AUH: variants seen among roughly 807,000 people sequenced by gnomAD.
AUH encodes the protein AU RNA binding methylglutaconyl-CoA hydratase.
Under a neutral mutation model 42.3 loss-of-function variants are expected in AUH, and 29 were observed. The ratio of observed to expected loss-of-function variants is 0.69; its 90% CI spans 0.51 to 0.93. The LOEUF (loss-of-function observed/expected upper bound fraction) is 0.93. Among genes scored for constraint, AUH ranks in the 40% least tolerant of loss-of-function variants. The probability of loss-of-function intolerance (pLI) is 0.00; values close to 1 mark genes in which losing one functional copy is unlikely to be tolerated. For synonymous variants in AUH, 174 were observed against 166.4 expected (o/e 1.05, Z -0.35); for missense variants, 452 against 438.1 (o/e 1.03, Z -0.28).
chr9:91,228,729 G>T (rs1378296602), intron 6 of AUH, among the ~76,000 whole-genome samples: 1 of 151,414 alleles, frequency 6.6e-6, no homozygotes, highest in Non-Finnish European at 1.5e-5. Context: ...CTTTGAATGT[G>T]TCCCAGAGAT....
At chr9:91,317,610 G>A (rs972726870) in intron 4 of AUH, among the ~76,000 whole-genome samples, 1 of 151,562 alleles carries the variant, frequency 6.6e-6, no homozygotes, top group Non-Finnish European at 1.5e-5. Flanking sequence ...GAAGGACTCT[G>A]TTATTTCTTT....
intron 4 of AUH, among the ~76,000 whole-genome samples, chr9:91,298,721 C>G (rs978173367): frequency 6.6e-6 from 1 of 152,204 alleles, no homozygotes; most frequent in African/African-American, 2.4e-5. Context: ...AAAAGCTCAA[C>G]TTGCTTGAAT....
At chr9:91,243,832 C>T (rs1055073413) in intron 6 of AUH, among the ~76,000 whole-genome samples, 3 of 152,058 alleles carry the variant, frequency 2.0e-5, no homozygotes, top group Non-Finnish European at 4.4e-5. Flanking sequence ...ATAACTAAAG[C>T]TATAAAGGTG....
chr9:91,304,234 C>T (rs759805929), intron 4 of AUH, among the ~76,000 whole-genome samples: 1 of 152,210 alleles, frequency 6.6e-6, no homozygotes, highest in Non-Finnish European at 1.5e-5. Context: ...AGCATTCCCT[C>T]TCACATGCTT....
At chr9:91,242,843 T>A (rs1032800861) in intron 6 of AUH, among the ~76,000 whole-genome samples, 4 of 152,196 alleles carry the variant, frequency 2.6e-5, no homozygotes, top group Admixed American at 2.6e-4. Context: ...AGAAATAATA[T>A]GTGAAAATAT....
chr9:91,277,739 T>G (rs1825656559), intron 6 of AUH, among the ~76,000 whole-genome samples: 1 of 152,180 alleles, frequency 6.6e-6, no homozygotes, highest in Non-Finnish European at 1.5e-5. Flanking sequence ...TTTTAAGAAA[T>G]CCTCAATTAC....
chr9:91,355,657 G>A (rs778507992), intron 3 of AUH, among the ~76,000 whole-genome samples: 1 of 152,032 alleles, frequency 6.6e-6, no homozygotes, highest in Non-Finnish European at 1.5e-5. Flanking sequence ...TATTTTAATG[G>A]CTCAAAGATT....
chr9:91,320,882 T>C (rs1361572739), intron 4 of AUH, among the ~76,000 whole-genome samples: 1 of 152,220 alleles, frequency 6.6e-6, no homozygotes, highest in Non-Finnish European at 1.5e-5. Flanking sequence ...AAAAAATTTT[T>C]ATTAACTTTT....
At chr9:91,257,149 G>A (rs765870289) in intron 6 of AUH, among the ~76,000 whole-genome samples, 3 of 152,108 alleles carry the variant, frequency 2.0e-5, no homozygotes, top group Non-Finnish European at 4.4e-5. Flanking sequence ...TGGTTATGTA[G>A]AGCTAAAATG....
intron 6 of AUH, among the ~76,000 whole-genome samples, chr9:91,267,646 G>T (rs958693065): frequency 2.0e-5 from 3 of 152,100 alleles, no homozygotes; most frequent in Non-Finnish European, 2.9e-5. Context: ...CAACTGAAGA[G>T]GTAAAAGCAT....
At chr9:91,285,201 A>G (rs892328886) in intron 6 of AUH, among the ~76,000 whole-genome samples, 1 of 151,968 alleles carries the variant, frequency 6.6e-6, no homozygotes, top group Non-Finnish European at 1.5e-5. Flanking sequence ...TCAGCAAACT[A>G]TTGCAAGGAC....
chr9:91,227,999 T>C (rs974625966), intron 6 of AUH, among the ~76,000 whole-genome samples: 1 of 152,202 alleles, frequency 6.6e-6, no homozygotes, highest in East Asian at 1.9e-4. Context: ...ATCAAGGATA[T>C]TGGTCTAAAA....
intron 6 of AUH, among the ~76,000 whole-genome samples, chr9:91,229,786 A>G (rs917716768): frequency 6.7e-6 from 1 of 149,658 alleles, no homozygotes; most frequent in Admixed American, 6.6e-5. Context: ...GCTTGTCTGT[A>G]AAGTATTTTA....
intron 6 of AUH, among the ~76,000 whole-genome samples, chr9:91,287,094 T>TA (rs142946118): frequency 0.022 from 3,359 of 151,670 alleles, 43 homozygotes; most frequent in Non-Finnish European, 0.031. Flanking sequence ...CTTAATCCTT[T>TA]AAAAAAAATG....
intron 6 of AUH, among the ~76,000 whole-genome samples, chr9:91,235,765 T>C (rs1828141069): frequency 6.6e-6 from 1 of 152,188 alleles, no homozygotes; most frequent in East Asian, 1.9e-4. Flanking sequence ...GCAGGGGTCT[T>C]CTAGGAAAGA....
At chr9:91,281,808 C>G (rs1399397338) in intron 6 of AUH, among the ~76,000 whole-genome samples, 1 of 152,110 alleles carries the variant, frequency 6.6e-6, no homozygotes, top group Non-Finnish European at 1.5e-5. Context: ...TTTCACCATT[C>G]CCATCCCAGT....
intron 6 of AUH, among the ~76,000 whole-genome samples, chr9:91,290,789 T>G (rs370248196): frequency 6.6e-6 from 1 of 152,156 alleles, no homozygotes; most frequent in African/African-American, 2.4e-5. Flanking sequence ...ACAAAACTTT[T>G]CATAATCAAG....
Position 91,217,317 on chromosome 9 carries a change from G to C in AUH, c.854C>G (p.Ala285Gly), listed in dbSNP as rs1265007398. ...AATTGCTAATTTTGCCACTCTCATTGCAACAGGTCCCTAAAATTCAAATTA... is the reference window on the plus strand; with the variant it reads ...AATTGCTAATTTTGCCACTCTCATTCCAACAGGTCCCTAAAATTCAAATTA... ...AREFLPQGPVAMRVAKLAINQ... is the reference protein window; with the variant it reads ...AREFLPQGPVGMRVAKLAINQ... The change falls in exon 8 of 10, where the codon GCA (alanine) becomes GGA (glycine). Residue 285 changes from alanine (A) to glycine (G), a missense_variant. Physicochemically the swap from Ala to Gly is moderately conservative, Grantham distance 60. Coordinates refer to ENST00000375731, the MANE Select transcript of AUH (RefSeq NM_001698.3). 2 of 1,613,588 alleles carry C rather than the reference G, an allele frequency of 1.2e-6. No homozygotes were observed. The highest frequency in any genetic ancestry group is 8.5e-7 in the Non-Finnish European group (1 of 1,179,678).
intron 6 of AUH, among the ~76,000 whole-genome samples, chr9:91,282,152 C>T (rs566661932): frequency 6.6e-6 from 1 of 152,228 alleles, no homozygotes; most frequent in East Asian, 1.9e-4. Flanking sequence ...GTTCCAAGCA[C>T]ACTCCCATCT....
Sources: gnomAD v4.1 joint callset for allele counts (sites outside exome capture counted in the v4.1 genomes callset) on GRCh38, gnomAD v4.1.1 for gene constraint, MANE v1.5 for transcripts, NCBI Gene and HGNC (gene_info 2026-07-23, HGNC 2026-07-21) for gene names.